The following CDK5RAP2 variants were observed in gnomAD, a reference collection of about 807,000 sequenced individuals.
The protein encoded by CDK5RAP2 is CDK5 regulatory subunit-associated protein 2.
A neutral mutation model predicts 232.9 loss-of-function variants in CDK5RAP2; 147 were observed. The ratio of observed to expected loss-of-function variants is 0.63; its 90% CI spans 0.55 to 0.72. CDK5RAP2 has a LOEUF of 0.72. Among genes scored for constraint, CDK5RAP2 ranks in the 30% least tolerant of loss-of-function variants. CDK5RAP2 has a pLI of 0.00. For synonymous variants in CDK5RAP2, 833 were observed against 833.7 expected (o/e 1.00, Z 0.01); for missense variants, 2,195 against 2,231.5 (o/e 0.98, Z 0.33).
intron 25 of CDK5RAP2, among the ~76,000 whole-genome samples, chr9:120,425,607 C>T (rs1005497883): frequency 6.6e-6 from 1 of 152,244 alleles, no homozygotes; most frequent in African/African-American, 2.4e-5. Context: ...TCACTTTCCT[C>T]TCTGCACTGA....
At chr9:120,400,352 A>G (rs376756854) in intron 35 of CDK5RAP2, among the ~76,000 whole-genome samples, 2 of 152,386 alleles carry the variant, frequency 1.3e-5, no homozygotes, top group African/African-American at 4.8e-5. Context: ...AGAGATGATG[A>G]GTAGAAAAGA....
At chr9:120,505,019 T>C (rs1438654482) in intron 12 of CDK5RAP2, among the ~76,000 whole-genome samples, 2 of 152,186 alleles carry the variant, frequency 1.3e-5, no homozygotes, top group African/African-American at 2.4e-5. Context: ...ACTTTACCCA[T>C]CACCTCACTC....
chr9:120,559,813 T>C (rs1026287455), intron 3 of CDK5RAP2, among the ~76,000 whole-genome samples: 1 of 152,074 alleles, frequency 6.6e-6, no homozygotes, highest in African/African-American at 2.4e-5. Context: ...TTTCTGAAAC[T>C]GGAAAAGGGC....
intron 12 of CDK5RAP2, among the ~76,000 whole-genome samples, chr9:120,496,594 G>C (rs2039264985): frequency 6.6e-6 from 1 of 150,710 alleles, no homozygotes; most frequent in African/African-American, 2.4e-5. Context: ...CAGCCGCCCC[G>C]TCCGGGAGGT....
At chr9:120,389,656 C>G (rs1298845706) in intron 37 of CDK5RAP2, 85 bp downstream of exon 37, 1 of 1,299,122 alleles carries the variant, frequency 7.7e-7, no homozygotes. Flanking sequence ...TCCACCTGCA[C>G]CTTCATTTTT....
Position 120,394,530 on chromosome 9 carries a change from T to A in CDK5RAP2, c.5560A>T (p.Lys1854Ter). 1.2e-6 allele frequency: 2 copies of A among 1,614,178 alleles called. No homozygotes were observed. Among genetic ancestry groups the A allele is most frequent in the Non-Finnish European group, 1.7e-6 (2 of 1,180,042 alleles). ...KLLQLSKRQE[K>*]VIFDQLVVTH... is the part of the protein sequence containing the mutation. ...CACTCACATTGATCAAAGATGACTTTTTCCTGGCGCTTGCTCAGCTGCAAA... is the reference window on the plus strand; with the variant it reads ...CACTCACATTGATCAAAGATGACTTATTCCTGGCGCTTGCTCAGCTGCAAA... Residue 1854 changes from lysine (K) to a stop codon, truncating the protein, a stop_gained, in exon 36 of 38, where the codon AAA becomes TAA. Coordinates refer to ENST00000349780, the MANE Select transcript of CDK5RAP2 (RefSeq NM_018249.6). LOFTEE classifies it high-confidence loss of function.
chr9:120,487,238 T>A, intron 14 of CDK5RAP2, 56 bp downstream of exon 14: 1 of 1,590,844 alleles, frequency 6.3e-7, no homozygotes, highest in East Asian at 2.2e-5. Flanking sequence ...CAAATATGTT[T>A]CAAAAAAGTG....
rs1046208697 is a variant in CDK5RAP2 at position 120,449,666 on chromosome 9, C to T, written c.2794-1540G>A. ...GGCTATATTTAAAGAAATACTACGA[C>T]TCAATAATAAAAACAAATAATCCAA... On this transcript the variant is annotated intron_variant, in intron 21 of 37. Transcript: ENST00000349780. Among the ~76,000 whole-genome samples the T allele has an allele frequency of 2.6e-5, 4 of 152,224 alleles. No individual in the cohort carries two copies. The East Asian group carries it at 5.8e-4, about 22-fold the overall frequency.
rs2031667855 is a variant in CDK5RAP2 at position 120,389,100 on chromosome 9, A to C, written c.*136T>G. The C allele has an allele frequency of 2.5e-6, 2 of 812,566 alleles. No individual in the cohort carries two copies. Among genetic ancestry groups the C allele is most frequent in the African/African-American group, 3.5e-5 (2 of 57,692 alleles). 50.3% of individuals were successfully genotyped at this position (812,566 alleles called of 1,614,324 possible). On this transcript the variant is annotated 3_prime_UTR_variant, in exon 38 of 38. Transcript: ENST00000349780. ...ACTCTCAAGCCAACTTTCAGAGAGA[A>C]AACATGAAGGGAAAAAATAGATTTC...
At chr9:120,521,072 A>T (rs2040628656) in intron 11 of CDK5RAP2, among the ~76,000 whole-genome samples, 1 of 152,098 alleles carries the variant, frequency 6.6e-6, no homozygotes, top group African/African-American at 2.4e-5. Flanking sequence ...CTTTTCCTTT[A>T]CCTACTCCAT....
intron 2 of CDK5RAP2, 83 bp downstream of exon 2, chr9:120,571,891 A>T: frequency 9.1e-7 from 1 of 1,099,400 alleles, no homozygotes; most frequent in Non-Finnish European, 1.4e-6. Context: ...GGCCCCAGAG[A>T]TATGAAAGCT....
At chr9:120,535,415 C>A (rs185155602) in intron 7 of CDK5RAP2, among the ~76,000 whole-genome samples, 1 of 152,314 alleles carries the variant, frequency 6.6e-6, no homozygotes, top group Admixed American at 6.5e-5. Context: ...AGGCCAAGCA[C>A]CTAAACAACA....
At chr9:120,513,723 G>A (rs1459584552) in intron 12 of CDK5RAP2, among the ~76,000 whole-genome samples, 1 of 152,080 alleles carries the variant, frequency 6.6e-6, no homozygotes, top group Non-Finnish European at 1.5e-5. Context: ...TCTAGTAGAG[G>A]GCTTGCACAA....
intron 25 of CDK5RAP2, among the ~76,000 whole-genome samples, chr9:120,431,560 C>T (rs1286250616): frequency 6.6e-6 from 1 of 152,152 alleles, no homozygotes; most frequent in East Asian, 1.9e-4. Flanking sequence ...CCTTCAACTT[C>T]TTCATATCAT....
chr9:120,497,722 T>C (rs1407565597), intron 12 of CDK5RAP2, among the ~76,000 whole-genome samples: 3 of 152,018 alleles, frequency 2.0e-5, no homozygotes, highest in Non-Finnish European at 4.4e-5. Flanking sequence ...ATAACCTCAA[T>C]CTAATCATGA....
intron 18 of CDK5RAP2, among the ~76,000 whole-genome samples, chr9:120,464,140 G>GA (rs1454511139): frequency 2.0e-5 from 3 of 152,140 alleles, no homozygotes; most frequent in Admixed American, 2.0e-4. Context: ...TCGACACTAT[G>GA]AAACACTCCC....
intron 35 of CDK5RAP2, among the ~76,000 whole-genome samples, chr9:120,399,419 T>C (rs186000498): frequency 6.6e-6 from 1 of 152,290 alleles, no homozygotes; most frequent in Admixed American, 6.5e-5. Context: ...GACACCATCC[T>C]CTGAAGGAAA....
chr9:120,398,108 T>C (rs1489842505), intron 35 of CDK5RAP2, among the ~76,000 whole-genome samples: 1 of 152,214 alleles, frequency 6.6e-6, no homozygotes, highest in Non-Finnish European at 1.5e-5. Flanking sequence ...CTAGAAACCA[T>C]AATTTGGGCA....
intron 27 of CDK5RAP2, among the ~76,000 whole-genome samples, chr9:120,419,499 G>T (rs1039314086): frequency 6.6e-6 from 1 of 152,146 alleles, no homozygotes; most frequent in African/African-American, 2.4e-5. Context: ...AACCAAATCT[G>T]CACTGACATA....
Sources: allele counts gnomAD v4.1 joint callset (sites outside exome capture counted in the v4.1 genomes callset), GRCh38; gene constraint gnomAD v4.1.1; transcripts MANE v1.5; gene names NCBI Gene and HGNC (gene_info 2026-07-23, HGNC 2026-07-21).